Variants in SLMAP observed in about 807,000 individuals in gnomAD.
The protein encoded by SLMAP is sarcolemma associated protein, also known as sarcolemmal membrane-associated protein.
Under a neutral mutation model 128.8 loss-of-function variants are expected in SLMAP, and 44 were observed. The observed-to-expected ratio is 0.34, with a 90% CI of 0.27 to 0.44. The LOEUF is 0.44. Among genes scored for constraint, SLMAP ranks in the 20% least tolerant of loss-of-function variants. The pLI is 1.00. For synonymous variants in SLMAP, 327 were observed against 348.8 expected, an observed-to-expected ratio of 0.94 and a Z score of 0.70; for missense variants, 787 against 985.3, an observed-to-expected ratio of 0.80 and a Z score of 2.69.
chr3:57,921,829 C>T (rs1421287376), intron 22 of SLMAP, among the ~76,000 whole-genome samples: 1 of 152,098 alleles, frequency 6.6e-6, no homozygotes, highest in East Asian at 2.0e-4. Context: ...CCGCAGCCTC[C>T]CAAGTAGCTG....
At chr3:57,851,714 A>G (rs1028005798) in intron 6 of SLMAP, among the ~76,000 whole-genome samples, 8 of 151,800 alleles carry the variant, frequency 5.3e-5, no homozygotes, top group East Asian at 3.9e-4. Flanking sequence ...TAAACTCCTG[A>G]CCTCAAGTGA....
intron 2 of SLMAP, among the ~76,000 whole-genome samples, chr3:57,788,016 C>T (rs1353127355): frequency 1.3e-5 from 2 of 152,148 alleles, no homozygotes; most frequent in African/African-American, 4.8e-5. Context: ...AATGGTTTCT[C>T]CACAGGTGAC....
chr3:57,795,809 C>T (rs2086601941), intron 2 of SLMAP, among the ~76,000 whole-genome samples: 1 of 152,026 alleles, frequency 6.6e-6, no homozygotes, highest in Non-Finnish European at 1.5e-5. Flanking sequence ...AACACTGTAC[C>T]CATTAAATAA....
At chr3:57,796,123 A>T (rs1353241263) in intron 2 of SLMAP, among the ~76,000 whole-genome samples, 1 of 152,000 alleles carries the variant, frequency 6.6e-6, no homozygotes, top group East Asian at 1.9e-4. Flanking sequence ...CATTTTGAGT[A>T]CTCTCTTACT....
intron 21 of SLMAP, among the ~76,000 whole-genome samples, chr3:57,913,966 C>CAA (rs952033233): frequency 1.4e-5 from 2 of 138,294 alleles, no homozygotes; most frequent in African/African-American, 5.3e-5. Context: ...TCAAACAAAC[C>CAA]AAAAAAAAAA....
intron 14 of SLMAP, among the ~76,000 whole-genome samples, chr3:57,879,820 G>C (rs983441675): frequency 6.6e-6 from 1 of 151,706 alleles, no homozygotes; most frequent in African/African-American, 2.4e-5. Context: ...GCGGGTGGCG[G>C]GCACCTGTAA....
chr3:57,801,533 C>T (rs2088364471), intron 2 of SLMAP: 1 of 152,184 alleles, frequency 6.6e-6, no homozygotes, highest in Non-Finnish European at 1.5e-5. Context: ...TTATTATACT[C>T]TGCACCAGGC....
chr3:57,813,576 C>T (rs575975957), intron 2 of SLMAP, among the ~76,000 whole-genome samples: 2 of 152,234 alleles, frequency 1.3e-5, no homozygotes, highest in South Asian at 2.1e-4. Flanking sequence ...CTGTACTAAA[C>T]ATGTACAGAA....
At chr3:57,806,614 A>C (rs758639300) in intron 2 of SLMAP, among the ~76,000 whole-genome samples, 16 of 151,430 alleles carry the variant, frequency 1.1e-4, no homozygotes, top group Non-Finnish European at 2.1e-4. Context: ...ATTTTTTTGT[A>C]TTTTTAGTAG....
chr3:57,789,233 T>C (rs1318825942), intron 2 of SLMAP, among the ~76,000 whole-genome samples: 1 of 152,136 alleles, frequency 6.6e-6, no homozygotes, highest in Non-Finnish European at 1.5e-5. Context: ...TTCAGGACCA[T>C]TGAGATAGGT....
intron 21 of SLMAP, among the ~76,000 whole-genome samples, chr3:57,916,648 C>T (rs1327938904): frequency 6.6e-6 from 1 of 152,158 alleles, no homozygotes; most frequent in Non-Finnish European, 1.5e-5. Context: ...ACAAAATATA[C>T]AGTTAATTAC....
intron 18 of SLMAP, among the ~76,000 whole-genome samples, chr3:57,908,539 A>G (rs1288517872): frequency 6.6e-6 from 1 of 152,200 alleles, no homozygotes; most frequent in African/African-American, 2.4e-5. Flanking sequence ...CCTGCCTAGT[A>G]GGAAGATTTA....
At chr3:57,922,053 G>A (rs140507468) in intron 22 of SLMAP, among the ~76,000 whole-genome samples, 18 of 152,202 alleles carry the variant, frequency 1.2e-4, no homozygotes, top group African/African-American at 2.4e-4. Flanking sequence ...CATAGTGGTC[G>A]GTACTTCAGA....
chr3:57,864,917 GT>G, intron 12 of SLMAP, 60 bp downstream of exon 12: 5 of 1,298,844 alleles, frequency 3.8e-6, no homozygotes, highest in Non-Finnish European at 4.3e-6. Context: ...TTTTGACCTT[GT>G]TTACTGTCTC....
chr3:57,878,402 A>T (rs900468705), intron 14 of SLMAP, among the ~76,000 whole-genome samples: 1 of 152,266 alleles, frequency 6.6e-6, no homozygotes, highest in Middle Eastern at 3.4e-3. Context: ...TTGTGTATTG[A>T]TATTCTAATC....
At chr3:57,782,119 T>C (rs1416797820) in intron 2 of SLMAP, among the ~76,000 whole-genome samples, 1 of 152,198 alleles carries the variant, frequency 6.6e-6, no homozygotes, top group Admixed American at 6.5e-5. Flanking sequence ...TTGTTGGATA[T>C]AGGATATTTC....
intron 17 of SLMAP, among the ~76,000 whole-genome samples, chr3:57,903,184 G>A (rs573148982): frequency 9.3e-4 from 141 of 152,322 alleles, no homozygotes; most frequent in Middle Eastern, 3.4e-3. Context: ...GAAGCTGGCA[G>A]TTCAGAAAGA....
intron 6 of SLMAP, among the ~76,000 whole-genome samples, chr3:57,853,956 TA>T (rs1447134979): frequency 0.11 from 1,343 of 12,548 alleles, 10 homozygotes; most frequent in Non-Finnish European, 0.13. Flanking sequence ...AAAAAAAAAT[TA>T]TATATATATA....
intron 2 of SLMAP, among the ~76,000 whole-genome samples, chr3:57,821,690 C>G (rs1391793969): frequency 6.6e-6 from 1 of 152,186 alleles, no homozygotes; most frequent in Non-Finnish European, 1.5e-5. Context: ...TCATCCTACA[C>G]ACAGCTGCTA....
Sources: gnomAD v4.1 joint callset for allele counts (sites outside exome capture counted in the v4.1 genomes callset) on GRCh38, gnomAD v4.1.1 for gene constraint, MANE v1.5 for transcripts, NCBI Gene and HGNC (gene_info 2026-07-23, HGNC 2026-07-21) for gene names.